The following SNAPC3 variants were observed in gnomAD, a reference collection of about 807,000 sequenced individuals.
SNAPC3 encodes the protein small nuclear RNA activating complex polypeptide 3.
In SNAPC3, 56 loss-of-function variants were observed where a neutral mutation model predicts 47.7. The ratio of observed to expected loss-of-function variants is 1.18; its 90% CI spans 0.95 to 1.47. SNAPC3 has a LOEUF of 1.47. SNAPC3 is among the 40% of genes most tolerant of loss of function. The pLI is 0.00. For missense variants in SNAPC3, 665 were observed against 511.3 expected (o/e 1.30, Z -2.90); for synonymous variants, 235 against 189.9 (o/e 1.24, Z -1.95).
At chr9:15,440,085 T>A (rs1441481805) in intron 3 of SNAPC3, among the ~76,000 whole-genome samples, 1 of 152,250 alleles carries the variant, frequency 6.6e-6, no homozygotes, top group Non-Finnish European at 1.5e-5. Flanking sequence ...TCTGTCCCTC[T>A]TTGGGTTGTC....
chr9:15,456,586 G>A (rs1180555025), intron 7 of SNAPC3, among the ~76,000 whole-genome samples: 1 of 151,912 alleles, frequency 6.6e-6, no homozygotes, highest in African/African-American at 2.4e-5. Flanking sequence ...TCTTCCCTCA[G>A]TCTTTCCCAT....
At chr9:15,449,548 TATATATATATATATA>T (rs1355193557) in intron 5 of SNAPC3, among the ~76,000 whole-genome samples, 1 of 35,628 alleles carries the variant, frequency 2.8e-5, no homozygotes, top group African/African-American at 1.2e-4. Flanking sequence ...TATATATATA[TATATATATATATATA>T]TTTTTTTTTT....
At position 15,460,793 on chromosome 9, in the gene SNAPC3, G is replaced by C. The variant is rs1386696475; in HGVS notation, c.*927G>C. 6.6e-6 allele frequency: 1 copy of C among 152,198 alleles called. No individual in the cohort carries two copies. Among genetic ancestry groups the C allele is most frequent in the Non-Finnish European group, 1.5e-5 (1 of 68,032 alleles). The allele number at this position is 152,198 out of a possible 1,614,324, so 9.4% of individuals were successfully genotyped here. A position where few individuals can be genotyped will look rare whatever the true frequency, so the allele number is the denominator to read the frequency against. On this transcript the variant is annotated 3_prime_UTR_variant, in exon 9 of 9. Coordinates refer to ENST00000380821, the MANE Select transcript of SNAPC3 (RefSeq NM_001039697.2). ...ATGTTAATAAGACTATGTGAATAAT[G>C]AATTTAAAAAGATCTTGAGTATATA...
At chr9:15,437,484 T>A (rs1275015747) in intron 3 of SNAPC3, among the ~76,000 whole-genome samples, 1 of 151,826 alleles carries the variant, frequency 6.6e-6, no homozygotes, top group Non-Finnish European at 1.5e-5. Context: ...CCACCCACCT[T>A]GGCCTCTCAA....
Position 15,461,254 on chromosome 9 carries a change from A to G in SNAPC3, c.*1388A>G, listed in dbSNP as rs1171741248. The G allele has an allele frequency of 6.6e-6, 1 of 152,094 alleles. No homozygotes were observed. The highest frequency in any genetic ancestry group is 1.5e-5 in the Non-Finnish European group (1 of 68,040). The allele number at this position is 152,094 out of a possible 1,614,324, so 9.4% of individuals were successfully genotyped here. The stretch of plus-strand genomic sequence containing the variant: ...GGCTCACTGGAGCCCTGACCTCCCT[A>G]GGCTCAGGTGATCCTCCCACCTCAG... On this transcript the variant is annotated 3_prime_UTR_variant, in exon 9 of 9. Coordinates refer to ENST00000380821, the MANE Select transcript of SNAPC3 (RefSeq NM_001039697.2).
chr9:15,423,105 G>T lies in SNAPC3; in HGVS notation c.226G>T (p.Ala76Ser), dbSNP rs1348812903. Residue 76 changes from alanine to serine, a missense_variant, in exon 1 of 9, where the codon GCA becomes TCA. Physicochemically the swap from Ala to Ser is moderately conservative, Grantham distance 99. Coordinates refer to ENST00000380821, the MANE Select transcript of SNAPC3 (RefSeq NM_001039697.2). The part of the protein sequence containing the change: ...PPASALPGSQ[A>S]ADSDREDAAV... ...GGCATCCGCTCTGCCTGGGAGCCAG[G>T]CAGCTGACTCCGACCGGGAGGATGC... 1.3e-6 allele frequency: 2 copies of T among 1,550,346 alleles called. No homozygotes were observed. Among genetic ancestry groups the T allele is most frequent in the East Asian group, 4.8e-5 (2 of 41,572 alleles).
In SNAPC3 at chr9:15,453,105, G is replaced by A; in HGVS notation, c.880G>A (p.Glu294Lys). Residue 294 changes from glutamate (E) to lysine (K), a missense_variant, in exon 7 of 9, where the codon GAA becomes AAA. Coordinates refer to ENST00000380821, the MANE Select transcript of SNAPC3 (RefSeq NM_001039697.2). ...TGGAAAGTTTCAGACTGCTAGAATG[G>A]AAGATTTCACCTTCAATGACTTGTG... ...GYGKFQTARM[E>K]DFTFNDLCIK... The A allele has an allele frequency of 1.2e-6, 2 of 1,613,244 alleles. No individual in the cohort carries two copies. The highest frequency in any genetic ancestry group is 1.7e-6 in the Non-Finnish European group (2 of 1,179,184).
chr9:15,447,752 TCGACCTGAGAGC>T, intron 5 of SNAPC3, among the ~76,000 whole-genome samples: 1 of 152,124 alleles, frequency 6.6e-6, no homozygotes. Flanking sequence ...AAGGCTGGAG[TCGACCTGAGAGC>T]CTCAAATAGT....
chr9:15,426,499 A>G (rs1289044067), intron 2 of SNAPC3, among the ~76,000 whole-genome samples: 2 of 152,170 alleles, frequency 1.3e-5, no homozygotes, highest in Non-Finnish European at 2.9e-5. Context: ...AATTCCTAGA[A>G]CTGTGGTGCA....
chr9:15,434,817 C>G (rs1043448833), intron 3 of SNAPC3, among the ~76,000 whole-genome samples: 12 of 152,162 alleles, frequency 7.9e-5, no homozygotes, highest in Admixed American at 7.9e-4. Flanking sequence ...GTATACACCA[C>G]GTTTTGTTCT....
At chr9:15,437,031 GC>G (rs1453291665) in intron 3 of SNAPC3, among the ~76,000 whole-genome samples, 3 of 151,510 alleles carry the variant, frequency 2.0e-5, no homozygotes, top group Non-Finnish European at 4.4e-5. Flanking sequence ...CTCCGTGTTG[GC>G]CAAACTGGTC....
chr9:15,433,876 C>G (rs2032475097), intron 3 of SNAPC3: 1 of 350,142 alleles, frequency 2.9e-6, no homozygotes, highest in Non-Finnish European at 5.1e-6. Flanking sequence ...ATCTTGCTTT[C>G]GGTATTAGGC....
intron 3 of SNAPC3, among the ~76,000 whole-genome samples, chr9:15,441,378 CTTTTCTTTT>C (rs1301058436): frequency 7.7e-4 from 31 of 40,506 alleles, no homozygotes; most frequent in African/African-American, 2.2e-3. Context: ...CAAGAGTTCC[CTTTTCTTTT>C]TTTTTTTTTT....
At chr9:15,452,964 C>A in intron 6 of SNAPC3, 77 bp from the exon 7 acceptor site, 1 of 1,211,096 alleles carries the variant, frequency 8.3e-7, no homozygotes, top group Non-Finnish European at 1.2e-6. Flanking sequence ...ATGTGAATTA[C>A]TGCAATCACA....
At chr9:15,459,454 T>G (rs746972229) in intron 8 of SNAPC3, among the ~76,000 whole-genome samples, 1 of 152,166 alleles carries the variant, frequency 6.6e-6, no homozygotes, top group Non-Finnish European at 1.5e-5. Context: ...TCAAATAGAT[T>G]TATATTCTTC....
chr9:15,445,988 G>C (rs1445531157), intron 4 of SNAPC3, among the ~76,000 whole-genome samples: 1 of 152,102 alleles, frequency 6.6e-6, no homozygotes, highest in East Asian at 1.9e-4. Flanking sequence ...ATCATAAAAA[G>C]AAACCAAACC....
intron 7 of SNAPC3, among the ~76,000 whole-genome samples, chr9:15,455,680 G>A (rs973851059): frequency 1.3e-5 from 2 of 151,796 alleles, no homozygotes; most frequent in African/African-American, 4.8e-5. Context: ...TCTCTCTGAT[G>A]GCCTTATTTT....
intron 2 of SNAPC3, among the ~76,000 whole-genome samples, chr9:15,426,632 A>G (rs773400786): frequency 2.0e-5 from 3 of 151,850 alleles, no homozygotes; most frequent in Non-Finnish European, 2.9e-5. Flanking sequence ...ATTAAAGCAG[A>G]CTCTTTTTTG....
intron 3 of SNAPC3, among the ~76,000 whole-genome samples, chr9:15,439,949 T>C (rs1170172647): frequency 6.6e-6 from 1 of 152,244 alleles, no homozygotes; most frequent in African/African-American, 2.4e-5. Context: ...ATTGGGGTCT[T>C]AAATGCATTT....
Sources: gnomAD v4.1 joint callset for allele counts (sites outside exome capture counted in the v4.1 genomes callset) on GRCh38, gnomAD v4.1.1 for gene constraint, MANE v1.5 for transcripts, NCBI Gene and HGNC (gene_info 2026-07-23, HGNC 2026-07-21) for gene names.